Variants in ARHGAP6 observed in about 807,000 individuals in gnomAD.
ARHGAP6 encodes rho GTPase-activating protein 6.
ARHGAP6 carries 16 observed loss-of-function variants against 55.7 expected under a neutral mutation model. The ratio of observed to expected loss-of-function variants is 0.29; its 90% CI spans 0.19 to 0.44. The LOEUF (loss-of-function observed/expected upper bound fraction) is 0.44, where lower values mean the gene tolerates loss of function less well. Ranked by LOEUF, ARHGAP6 falls within the 20% of genes least tolerant of loss-of-function variation. The pLI, the probability that ARHGAP6 is intolerant of heterozygous loss-of-function variation, is 1.00. For synonymous variants in ARHGAP6, 382 were observed against 360.9 expected (o/e 1.06, Z -0.66); for missense variants, 698 against 808.9 (o/e 0.86, Z 1.66).
rs751694816 is a variant in ARHGAP6 at position 11,648,195 on chromosome X, TAGAC to T, written c.588+16042_588+16045del. Among the ~76,000 whole-genome samples the T allele has an allele frequency of 3.7e-3, 416 of 111,944 alleles. 1 individual carries two copies. Among genetic ancestry groups the T allele is most frequent in the African/African-American group, 0.012 (369 of 30,876 alleles). ...CACAAATAATAAATGTCTACAGTGG[TAGAC>T]AGAGTAATTACCCTGATTTGATCAT... On this transcript the variant is annotated intron_variant, in intron 1 of 12. Transcript: ENST00000337414.
intron 1 of ARHGAP6, chrX:11,427,893 G>T (rs1222852315): frequency 1.7e-6 from 1 of 576,864 alleles, no homozygotes; most frequent in Non-Finnish European, 2.1e-6. Context: ...CGATGGGCGG[G>T]CGTTTAATTC....
chrX:11,536,844 A>T (rs1344974888), intron 1 of ARHGAP6, among the ~76,000 whole-genome samples: 1 of 112,322 alleles, frequency 8.9e-6, no homozygotes, highest in African/African-American at 3.2e-5. Flanking sequence ...TCAAATAATA[A>T]CATAATAGGG....
At chrX:11,156,103 T>C (rs2045859385) in intron 10 of ARHGAP6, among the ~76,000 whole-genome samples, 1 of 112,581 alleles carries the variant, frequency 8.9e-6, no homozygotes, top group African/African-American at 3.2e-5. Flanking sequence ...AAGGTCTGTC[T>C]TGTGGTTTGA....
At chrX:11,259,262 TACTTC>T (rs1164112093) in intron 1 of ARHGAP6, among the ~76,000 whole-genome samples, 1 of 112,093 alleles carries the variant, frequency 8.9e-6, no homozygotes, top group African/African-American at 3.2e-5. Flanking sequence ...GTGCCTGGCT[TACTTC>T]ACTTAGCATG....
At chrX:11,388,378 T>C (rs2049358738) in intron 1 of ARHGAP6, among the ~76,000 whole-genome samples, 1 of 112,155 alleles carries the variant, frequency 8.9e-6, no homozygotes, top group African/African-American at 3.2e-5. Context: ...GTTCATATCC[T>C]TCACCCACTT....
chrX:11,177,453 T>C (rs1198627481), intron 8 of ARHGAP6, among the ~76,000 whole-genome samples: 2 of 111,022 alleles, frequency 1.8e-5, no homozygotes, highest in Admixed American at 1.9e-4. Flanking sequence ...ATGTACAACC[T>C]GCTTTGAGCA....
At chrX:11,479,729 A>G (rs1002798985) in intron 1 of ARHGAP6, among the ~76,000 whole-genome samples, 18 of 111,949 alleles carry the variant, frequency 1.6e-4, no homozygotes, top group Non-Finnish European at 1.9e-4. Context: ...ACAGAAGCTC[A>G]TCTCTCCTGG....
intron 1 of ARHGAP6, among the ~76,000 whole-genome samples, chrX:11,574,901 GA>G (rs1399950718): frequency 9.0e-6 from 1 of 111,515 alleles, no homozygotes; most frequent in Non-Finnish European, 1.9e-5. Context: ...AGGTTTCTTT[GA>G]AAAAATCAAT....
At chrX:11,589,857 G>A (rs751432218) in intron 1 of ARHGAP6, among the ~76,000 whole-genome samples, 115 of 111,728 alleles carry the variant, frequency 1.0e-3, no homozygotes, top group Non-Finnish European at 1.8e-3. Context: ...TTACTTTATC[G>A]CTAGCTTATG....
At chrX:11,526,020 A>G (rs1208379312) in intron 1 of ARHGAP6, among the ~76,000 whole-genome samples, 7 of 111,656 alleles carry the variant, frequency 6.3e-5, no homozygotes, top group African/African-American at 2.0e-4. Context: ...CAAAAATATA[A>G]AATTCCTTAG....
chrX:11,344,710 G>GAAAAGAAAAGACAAGA (rs113727996), intron 1 of ARHGAP6, among the ~76,000 whole-genome samples: 1 of 78,050 alleles, frequency 1.3e-5, no homozygotes, highest in African/African-American at 4.7e-5. Flanking sequence ...AAAAAGAAAA[G>GAAAAGAAAAGACAAGA]AAAGAAAAGA....
At chrX:11,353,787 G>C (rs757458945) in intron 1 of ARHGAP6, among the ~76,000 whole-genome samples, 33 of 110,769 alleles carry the variant, frequency 3.0e-4, no homozygotes, top group Non-Finnish European at 5.7e-4. Flanking sequence ...CCTCCTCTCT[G>C]TACTTTCTGA....
intron 1 of ARHGAP6, among the ~76,000 whole-genome samples, chrX:11,600,835 G>A (rs777759214): frequency 4.5e-5 from 5 of 112,166 alleles, no homozygotes; most frequent in Admixed American, 2.8e-4. Flanking sequence ...AAGAAAGCCC[G>A]TAGCACAGCT....
chrX:11,220,103 A>T (rs4294340), intron 2 of ARHGAP6, among the ~76,000 whole-genome samples: 1 of 105,474 alleles, frequency 9.5e-6, no homozygotes, highest in African/African-American at 3.5e-5. Context: ...AGCTTTCTAC[A>T]TATGGCTAGC....
At chrX:11,201,780 C>T (rs779365560) in intron 2 of ARHGAP6, among the ~76,000 whole-genome samples, 12 of 111,433 alleles carry the variant, frequency 1.1e-4, no homozygotes, top group Non-Finnish European at 2.1e-4. Context: ...CTCACTATCA[C>T]GAGAATACCA....
chrX:11,636,222 A>G (rs2052417697), intron 1 of ARHGAP6, among the ~76,000 whole-genome samples: 1 of 111,651 alleles, frequency 9.0e-6, no homozygotes, highest in Non-Finnish European at 1.9e-5. Flanking sequence ...ACAACAAATT[A>G]TATGAACACC....
chrX:11,413,824 C>T (rs1240992752), intron 1 of ARHGAP6, among the ~76,000 whole-genome samples: 1 of 111,871 alleles, frequency 8.9e-6, no homozygotes, highest in African/African-American at 3.3e-5. Context: ...AAGCATTTTC[C>T]AGTGATGTAG....
rs2051760618 is a variant in ARHGAP6, at chrX:11,588,345, A to C, written c.588+75896T>G. On this transcript the variant is annotated intron_variant, in intron 1 of 12. Transcript: ENST00000337414. ...GTTTAGGAGGGTGTGGCAGCTTTGC[A>C]AAATGGTTTGCCAATTCCTCCAAAG... is the stretch of plus-strand genomic sequence containing the variant. Among the ~76,000 whole-genome samples the C allele has an allele frequency of 3.6e-5, 4 of 112,328 alleles. No homozygotes were observed. The Admixed American group carries it at 3.8e-4, about 11-fold the overall frequency.
chrX:11,357,153 C>T (rs1263160864), intron 1 of ARHGAP6, among the ~76,000 whole-genome samples: 2 of 111,954 alleles, frequency 1.8e-5, no homozygotes, highest in African/African-American at 3.3e-5. Flanking sequence ...TGAAATGCCA[C>T]GGCTTTTGAT....
Sources: gnomAD v4.1 joint callset for allele counts (sites outside exome capture counted in the v4.1 genomes callset) on GRCh38, gnomAD v4.1.1 for gene constraint, MANE v1.5 for transcripts, NCBI Gene and HGNC (gene_info 2026-07-23, HGNC 2026-07-21) for gene names.